SMYD3: variants seen among roughly 807,000 people sequenced by gnomAD.
SMYD3 encodes histone-lysine N-methyltransferase SMYD3.
A neutral mutation model predicts 57.7 loss-of-function variants in SMYD3; 36 were observed. The observed-to-expected ratio is 0.62, with a 90% confidence interval of 0.48 to 0.82. The LOEUF is 0.82. Among genes scored for constraint, SMYD3 ranks in the 40% least tolerant of loss-of-function variants. The pLI is 0.00. For missense variants in SMYD3, 515 were observed against 538.8 expected, an observed-to-expected ratio of 0.96 and a Z score of 0.44; for synonymous variants, 211 against 195.0, an observed-to-expected ratio of 1.08 and a Z score of -0.68.
At chr1:245,986,589 C>A (rs1383793158) in intron 5 of SMYD3, among the ~76,000 whole-genome samples, 3 of 152,308 alleles carry the variant, frequency 2.0e-5, no homozygotes, top group East Asian at 3.9e-4. Context: ...CTGACTGGAA[C>A]ATGTAGCATT....
In SMYD3 at chr1:246,145,315, T is replaced by C. The variant is rs1327405485; in HGVS notation, c.531+181886A>G. Among the ~76,000 whole-genome samples, 4 of 152,224 alleles carry C rather than the reference T, an allele frequency of 2.6e-5. No homozygotes were observed. The South Asian group carries it at 8.3e-4, about 32-fold the overall frequency. On this transcript the variant is annotated intron_variant, in intron 5 of 11. Coordinates refer to ENST00000490107, the MANE Select transcript of SMYD3 (RefSeq NM_001167740.2). ...AGGCTGTCAGGAATATTAGTTATAA[T>C]GTATGTAGTGTCAGCAGCGAATAGC...
chr1:246,271,537 C>T (rs1008458983), intron 5 of SMYD3, among the ~76,000 whole-genome samples: 3 of 152,178 alleles, frequency 2.0e-5, no homozygotes, highest in South Asian at 2.1e-4. Context: ...TGTCCTGGCA[C>T]CATTTGTTGA....
chr1:245,828,245 T>C (rs916128723), intron 10 of SMYD3, among the ~76,000 whole-genome samples: 2 of 152,188 alleles, frequency 1.3e-5, no homozygotes, highest in African/African-American at 4.8e-5. Context: ...TGTGAAAGAC[T>C]AGAGAGGTGC....
At chr1:246,368,180 TAGCAGGAAC>T in intron 1 of SMYD3, among the ~76,000 whole-genome samples, 1 of 152,344 alleles carries the variant, frequency 6.6e-6, no homozygotes, top group South Asian at 2.1e-4. Context: ...GATATGGGTA[TAGCAGGAAC>T]AACCATCTCT....
chr1:246,225,037 TG>T (rs1444318170), intron 5 of SMYD3, among the ~76,000 whole-genome samples: 2 of 142,712 alleles, frequency 1.4e-5, no homozygotes, highest in African/African-American at 5.3e-5. Context: ...CAATCAAGGC[TG>T]GAGATACAAT....
chr1:246,506,826 G>A (rs892843191), intron 1 of SMYD3, among the ~76,000 whole-genome samples: 1 of 49,260 alleles, frequency 2.0e-5, no homozygotes, highest in African/African-American at 1.0e-4. Flanking sequence ...CAGTGGCTGA[G>A]CCTGGGCCCC....
intron 5 of SMYD3, among the ~76,000 whole-genome samples, chr1:245,989,305 C>A (rs561417329): frequency 3.7e-5 from 2 of 54,548 alleles, no homozygotes; most frequent in East Asian, 1.0e-3. Context: ...GTTAATCCAT[C>A]TTCCTGTGCA....
At chr1:245,797,689 T>G (rs2047599449) in intron 10 of SMYD3, among the ~76,000 whole-genome samples, 1 of 151,304 alleles carries the variant, frequency 6.6e-6, no homozygotes, top group Non-Finnish European at 1.5e-5. Flanking sequence ...TATAGATAGA[T>G]AGATAGATAT....
intron 7 of SMYD3, among the ~76,000 whole-genome samples, chr1:245,918,560 A>C (rs2055621863): frequency 6.6e-6 from 1 of 152,210 alleles, no homozygotes; most frequent in Non-Finnish European, 1.5e-5. Flanking sequence ...GTTGCCTCTG[A>C]GGCACAAAGG....
chr1:246,458,765 C>T (rs2067746395), intron 1 of SMYD3, among the ~76,000 whole-genome samples: 1 of 151,742 alleles, frequency 6.6e-6, no homozygotes, highest in Admixed American at 6.6e-5. Flanking sequence ...CGCGCCCGGC[C>T]GGAAAAGTCA....
chr1:246,299,072 T>C (rs1250413753), intron 5 of SMYD3, among the ~76,000 whole-genome samples: 1 of 152,070 alleles, frequency 6.6e-6, no homozygotes, highest in Non-Finnish European at 1.5e-5. Flanking sequence ...AAATGTAAAA[T>C]CTGTTTCTGC....
intron 1 of SMYD3, among the ~76,000 whole-genome samples, chr1:246,364,618 T>C (rs749021181): frequency 9.2e-5 from 14 of 152,206 alleles, no homozygotes; most frequent in Non-Finnish European, 2.1e-4. Flanking sequence ...CGGAATCCTA[T>C]AGAGAATCAG....
rs559881784 is a variant in SMYD3, at chr1:246,296,291, G to A, written c.531+30910C>T. 2.9e-3 allele frequency among the ~76,000 whole-genome samples: 447 copies of A among 152,224 alleles called. 1 individual carries two copies. Among genetic ancestry groups the A allele is most frequent in the Non-Finnish European group, 5.2e-3 (351 of 68,010 alleles). On this transcript the variant is annotated intron_variant, in intron 5 of 11. Transcript: ENST00000490107. ...AACGATTCAAGAAATGGTAACACTT[G>A]CCCCCACAACTTTAGCCATGAACAA...
intron 5 of SMYD3, among the ~76,000 whole-genome samples, chr1:246,066,113 C>T (rs2060336040): frequency 6.6e-6 from 1 of 152,140 alleles, no homozygotes; most frequent in African/African-American, 2.4e-5. Flanking sequence ...ATTAAAAGCT[C>T]GTCACCACAT....
chr1:245,760,578 A>G (rs1011942166), intron 11 of SMYD3, among the ~76,000 whole-genome samples: 2 of 152,142 alleles, frequency 1.3e-5, no homozygotes, highest in African/African-American at 4.8e-5. Flanking sequence ...GGAGGCTTTT[A>G]AAGACTTCTA....
rs548075122 is a variant in SMYD3 at position 246,505,477 on chromosome 1, G to A, written c.164+1577C>T. Among the ~76,000 whole-genome samples the A allele has an allele frequency of 1.3e-4, 20 of 151,944 alleles. No homozygotes were observed. In the South Asian group the frequency reaches 4.2e-3, roughly 32 times the overall value. On this transcript the variant is annotated intron_variant, in intron 1 of 11. Transcript: ENST00000490107. ...GGGTCCAGTGTCTATGGTGTTCGTGGTACCTACTGCAGAATCCAATATTAT... is the reference window on the plus strand; with the variant it reads ...GGGTCCAGTGTCTATGGTGTTCGTGATACCTACTGCAGAATCCAATATTAT...
chr1:246,306,626 G>A (rs2064983808), intron 5 of SMYD3, among the ~76,000 whole-genome samples: 1 of 152,140 alleles, frequency 6.6e-6, no homozygotes, highest in African/African-American at 2.4e-5. Flanking sequence ...TATGGTATAA[G>A]TATTACCAAA....
At chr1:246,160,988 A>G (rs1406340517) in intron 5 of SMYD3, among the ~76,000 whole-genome samples, 2 of 152,222 alleles carry the variant, frequency 1.3e-5, no homozygotes, top group Non-Finnish European at 2.9e-5. Context: ...CCTGAACATT[A>G]CCAACATGCA....
intron 1 of SMYD3, among the ~76,000 whole-genome samples, chr1:246,423,864 T>C (rs907804534): frequency 1.3e-5 from 2 of 151,968 alleles, no homozygotes; most frequent in Admixed American, 6.6e-5. Context: ...GCCACAGAAG[T>C]TTCCCCCAGA....
Sources: allele counts gnomAD v4.1 joint callset (sites outside exome capture counted in the v4.1 genomes callset), GRCh38; gene constraint gnomAD v4.1.1; transcripts MANE v1.5; gene names NCBI Gene and HGNC (gene_info 2026-07-23, HGNC 2026-07-21).